Variants in ELOVL5 observed in about 807,000 individuals in gnomAD.
ELOVL5 encodes ELOVL fatty acid elongase 5.
Under a neutral mutation model 38.6 loss-of-function variants are expected in ELOVL5, and 8 were observed. The observed-to-expected ratio is 0.21, with a 90% CI of 0.12 to 0.37. ELOVL5 has a LOEUF of 0.37. Ranked by LOEUF, ELOVL5 falls within the 10% of genes least tolerant of loss-of-function variation. The probability of loss-of-function intolerance (pLI) is 1.00; values close to 1 mark genes in which losing one functional copy is unlikely to be tolerated. For synonymous variants in ELOVL5, 127 were observed against 133.7 expected (o/e 0.95, Z 0.34); for missense variants, 280 against 367.8 (o/e 0.76, Z 1.95).
In ELOVL5 at chr6:53,309,036, C is replaced by T. The variant is rs528327074; in HGVS notation, c.-8-13329G>A. Among the ~76,000 whole-genome samples, 15 of 152,226 alleles carry T rather than the reference C, an allele frequency of 9.9e-5. No homozygotes were observed. In the South Asian group the frequency reaches 3.1e-3, roughly 32 times the overall value. ...ACATAACAAGCATACATTAATCCAT[C>T]CTGCACCTGATGGATTTTTTACCGG... is the stretch of plus-strand genomic sequence containing the variant. On this transcript the variant is annotated intron_variant, in intron 1 of 7. Transcript: ENST00000304434.
chr6:53,323,987 C>CA (rs1312277177), intron 1 of ELOVL5, among the ~76,000 whole-genome samples: 1 of 152,100 alleles, frequency 6.6e-6, no homozygotes, highest in East Asian at 1.9e-4. Flanking sequence ...TGCAGTGGCT[C>CA]ATGCCTGTTA....
chr6:53,322,240 A>C (rs140342789), intron 1 of ELOVL5, among the ~76,000 whole-genome samples: 1 of 152,216 alleles, frequency 6.6e-6, no homozygotes. Flanking sequence ...TTCTGGTGAG[A>C]GAGGCACAAA....
chr6:53,348,199 G>A (rs540926400), intron 1 of ELOVL5, among the ~76,000 whole-genome samples: 6 of 152,272 alleles, frequency 3.9e-5, no homozygotes, highest in African/African-American at 1.2e-4. Flanking sequence ...AACTGAAGCG[G>A]TCCCGAGCTA....
At chr6:53,274,472 G>A (rs567743465) in intron 5 of ELOVL5, among the ~76,000 whole-genome samples, 7 of 152,162 alleles carry the variant, frequency 4.6e-5, no homozygotes, top group Non-Finnish European at 7.3e-5. Flanking sequence ...TGGATGACGG[G>A]ACTTTTGACT....
At chr6:53,303,755 C>T (rs1767364273) in intron 1 of ELOVL5, among the ~76,000 whole-genome samples, 3 of 152,192 alleles carry the variant, frequency 2.0e-5, no homozygotes, top group South Asian at 4.1e-4. Context: ...CAGAAGCCTC[C>T]ACTTCCTGCT....
At chr6:53,295,033 T>C (rs1253308829) in intron 2 of ELOVL5, among the ~76,000 whole-genome samples, 2 of 152,240 alleles carry the variant, frequency 1.3e-5, no homozygotes, top group Admixed American at 1.3e-4. Flanking sequence ...CCTTTTGTTA[T>C]TTCTTTTGTG....
chr6:53,320,368 G>T (rs558658555), intron 1 of ELOVL5, among the ~76,000 whole-genome samples: 1 of 151,182 alleles, frequency 6.6e-6, no homozygotes, highest in Non-Finnish European at 1.5e-5. Flanking sequence ...ACATAGTTGC[G>T]CTCTGTCGCC....
intron 1 of ELOVL5, among the ~76,000 whole-genome samples, chr6:53,341,236 T>A (rs1769311443): frequency 6.6e-6 from 1 of 152,264 alleles, no homozygotes; most frequent in Admixed American, 6.5e-5. Flanking sequence ...TTATTCCCTA[T>A]TAGCTTTCTT....
At chr6:53,328,306 T>C (rs1360829945) in intron 1 of ELOVL5, among the ~76,000 whole-genome samples, 1 of 152,094 alleles carries the variant, frequency 6.6e-6, no homozygotes, top group African/African-American at 2.4e-5. Context: ...TAGTGCAAAA[T>C]ATATCCCATT....
intron 1 of ELOVL5, among the ~76,000 whole-genome samples, chr6:53,297,964 G>T (rs1767082765): frequency 6.6e-6 from 1 of 152,176 alleles, no homozygotes; most frequent in Non-Finnish European, 1.5e-5. Flanking sequence ...AGTTAAATAA[G>T]AAATGTTTTA....
chr6:53,324,717 G>A (rs1437542263), intron 1 of ELOVL5, among the ~76,000 whole-genome samples: 1 of 143,926 alleles, frequency 6.9e-6, no homozygotes, highest in East Asian at 2.0e-4. Flanking sequence ...TCAGGAAGGA[G>A]GGCAGAATAC....
At chr6:53,318,476 A>G (rs896887466) in intron 1 of ELOVL5, among the ~76,000 whole-genome samples, 1 of 152,256 alleles carries the variant, frequency 6.6e-6, no homozygotes, top group Non-Finnish European at 1.5e-5. Context: ...ATATATTTAC[A>G]TAAGTAAACA....
At chr6:53,338,208 C>T (rs1401554394) in intron 1 of ELOVL5, among the ~76,000 whole-genome samples, 1 of 152,152 alleles carries the variant, frequency 6.6e-6, no homozygotes, top group East Asian at 1.9e-4. Context: ...AAATTTAATA[C>T]GCCAGTCCCA....
Position 53,290,731 on chromosome 6 carries a change from C to T in ELOVL5, c.246+1045G>A, listed in dbSNP as rs7771450. ...TCTGATAATCAAATATGCCTGCACACGCCCACACTCCTGCACACCACCACA... is the reference window on the plus strand; with the variant it reads ...TCTGATAATCAAATATGCCTGCACATGCCCACACTCCTGCACACCACCACA... On this transcript the variant is annotated intron_variant, in intron 3 of 7. Coordinates refer to ENST00000304434, the MANE Select transcript of ELOVL5 (RefSeq NM_021814.5). Among the ~76,000 whole-genome samples the T allele has an allele frequency of 3.9e-3, 594 of 152,228 alleles. 2 individuals are homozygous for T. The highest frequency in any genetic ancestry group is 0.013 in the African/African-American group (552 of 41,534).
At chr6:53,291,248 A>C (rs1476658311) in intron 3 of ELOVL5, among the ~76,000 whole-genome samples, 2 of 152,156 alleles carry the variant, frequency 1.3e-5, no homozygotes, top group African/African-American at 4.8e-5. Context: ...ACAATTCAAA[A>C]CCTAAATGCA....
intron 1 of ELOVL5, among the ~76,000 whole-genome samples, chr6:53,339,643 T>C (rs1286722877): frequency 6.6e-6 from 1 of 152,090 alleles, no homozygotes; most frequent in East Asian, 1.9e-4. Context: ...CAATAAAACA[T>C]TTGTGGTGAT....
intron 6 of ELOVL5, among the ~76,000 whole-genome samples, chr6:53,271,117 C>T (rs1358793366): frequency 2.0e-5 from 3 of 152,338 alleles, no homozygotes; most frequent in South Asian, 2.1e-4. Flanking sequence ...TATCCATGGA[C>T]GCTTCTGGTT....
At chr6:53,312,590 G>A (rs1302263081) in intron 1 of ELOVL5, among the ~76,000 whole-genome samples, 2 of 152,186 alleles carry the variant, frequency 1.3e-5, no homozygotes, top group South Asian at 2.1e-4. Context: ...TATCTGGACC[G>A]TACTAATGTC....
intron 1 of ELOVL5, among the ~76,000 whole-genome samples, chr6:53,345,059 T>C (rs1444068706): frequency 6.6e-6 from 1 of 152,228 alleles, no homozygotes; most frequent in Non-Finnish European, 1.5e-5. Context: ...TCCCTGGTTC[T>C]GGGATGGGCC....
Sources: allele counts gnomAD v4.1 joint callset (sites outside exome capture counted in the v4.1 genomes callset), GRCh38; gene constraint gnomAD v4.1.1; transcripts MANE v1.5; gene names NCBI Gene and HGNC (gene_info 2026-07-23, HGNC 2026-07-21).